Variants in CERS6 observed in about 807,000 individuals in gnomAD.
CERS6 encodes the protein LAG1 homolog, ceramide synthase 6.
CERS6 carries 26 observed loss-of-function variants against 56.8 expected under a neutral mutation model. That is an observed-to-expected ratio of 0.46 (90% CI 0.34 to 0.63). The LOEUF is 0.63. Ranked by LOEUF, CERS6 falls within the 30% of genes least tolerant of loss-of-function variation. CERS6 has a pLI of 0.01. For synonymous variants in CERS6, 164 were observed against 173.3 expected (o/e 0.95, Z 0.42); for missense variants, 415 against 467.5 (o/e 0.89, Z 1.04).
chr2:168,466,319 T>A (rs776147377), intron 1 of CERS6, among the ~76,000 whole-genome samples: 1 of 152,198 alleles, frequency 6.6e-6, no homozygotes, highest in Non-Finnish European at 1.5e-5. Flanking sequence ...CAAGTCACCC[T>A]GGTAAGTACA....
Position 168,764,169 on chromosome 2 carries a change from G to A in CERS6, c.846-1423G>A, listed in dbSNP as rs949399915. On this transcript the variant is annotated intron_variant, in intron 8 of 9. Coordinates refer to ENST00000305747, the MANE Select transcript of CERS6 (RefSeq NM_203463.3). ...TTTTATTTTTTATTTTTGAGATGGAGTCTTGCTCTGTTGCCCAGGCTGGAG... is the reference window on the plus strand; with the variant it reads ...TTTTATTTTTTATTTTTGAGATGGAATCTTGCTCTGTTGCCCAGGCTGGAG... 3.3e-5 allele frequency among the ~76,000 whole-genome samples: 5 copies of A among 151,858 alleles called. No individual in the cohort carries two copies. The South Asian group carries it at 6.2e-4, about 19-fold the overall frequency.
At chr2:168,587,752 TATATA>T (rs1683578586) in intron 3 of CERS6, among the ~76,000 whole-genome samples, 1 of 151,468 alleles carries the variant, frequency 6.6e-6, no homozygotes, top group African/African-American at 2.4e-5. Context: ...ATATGATTAA[TATATA>T]ATATAGTAAG....
intron 5 of CERS6, among the ~76,000 whole-genome samples, chr2:168,691,747 A>T (rs76832252): frequency 1.3e-5 from 2 of 152,318 alleles, no homozygotes; most frequent in East Asian, 3.9e-4. Context: ...TCCGTTTAAA[A>T]AGCTGGGACT....
At chr2:168,632,122 G>A (rs1241551038) in intron 4 of CERS6, among the ~76,000 whole-genome samples, 1 of 151,600 alleles carries the variant, frequency 6.6e-6, no homozygotes. Context: ...TGTCGGGTTA[G>A]ACTCCTTAAA....
At chr2:168,532,476 C>CT (rs1272261017) in intron 1 of CERS6, among the ~76,000 whole-genome samples, 2 of 151,792 alleles carry the variant, frequency 1.3e-5, no homozygotes, top group South Asian at 2.1e-4. Context: ...GAATGCCATC[C>CT]TTTTTTTTCT....
At chr2:168,487,132 G>A (rs938408409) in intron 1 of CERS6, among the ~76,000 whole-genome samples, 2 of 152,132 alleles carry the variant, frequency 1.3e-5, no homozygotes, top group Non-Finnish European at 2.9e-5. Flanking sequence ...ATCACAAAAT[G>A]TATGTTAAAA....
intron 8 of CERS6, among the ~76,000 whole-genome samples, chr2:168,727,332 C>T (rs1574196359): frequency 6.6e-6 from 1 of 152,022 alleles, no homozygotes; most frequent in African/African-American, 2.4e-5. Context: ...GGGCAGATCA[C>T]GAGGTCAAGA....
chr2:168,456,287 C>A lies in CERS6; in HGVS notation c.-162C>A. 1 of 246,806 alleles carries A rather than the reference C, an allele frequency of 4.1e-6. No homozygotes were observed. The highest frequency in any genetic ancestry group is 7.0e-6 in the Non-Finnish European group (1 of 142,484). 15.3% of individuals were successfully genotyped at this position (246,806 alleles called of 1,614,324 possible). A position where few individuals can be genotyped will look rare whatever the true frequency, so the allele number is the denominator to read the frequency against. On this transcript the variant is annotated 5_prime_UTR_variant, in exon 1 of 10. Coordinates refer to ENST00000305747, the MANE Select transcript of CERS6 (RefSeq NM_203463.3). The surrounding 1 kb of genome is among the most constrained non-coding windows in gnomAD (Gnocchi z 4.1). Reference sequence around the variant, plus strand: ...GGAGAGAACCGGGGCTCGCCGCGAGCCTTCGAGAGCAGCGGCCGCGGAGGA... The same window carrying A: ...GGAGAGAACCGGGGCTCGCCGCGAGACTTCGAGAGCAGCGGCCGCGGAGGA...
Position 168,599,879 on chromosome 2 carries a change from G to A in CERS6, c.408-31106G>A, listed in dbSNP as rs560780627. 5.3e-4 allele frequency among the ~76,000 whole-genome samples: 81 copies of A among 152,288 alleles called. No individual in the cohort carries two copies. In the South Asian group the frequency reaches 0.016, roughly 29 times the overall value. The stretch of plus-strand genomic sequence containing the variant: ...AGATGAGCTATTTGCCTTCAAGGAG[G>A]TTGATACACTAGTAGTAAGCATAAG... On this transcript the variant is annotated intron_variant, in intron 3 of 9. Coordinates refer to ENST00000305747, the MANE Select transcript of CERS6 (RefSeq NM_203463.3).
chr2:168,735,267 T>C (rs1343432916), intron 8 of CERS6, among the ~76,000 whole-genome samples: 1 of 151,706 alleles, frequency 6.6e-6, no homozygotes, highest in Non-Finnish European at 1.5e-5. Context: ...ATAATACTTT[T>C]AACAGACTAC....
chr2:168,660,148 A>G (rs1377069903), intron 4 of CERS6, among the ~76,000 whole-genome samples: 1 of 152,218 alleles, frequency 6.6e-6, no homozygotes, highest in Non-Finnish European at 1.5e-5. Flanking sequence ...CGTTCAACAG[A>G]TATCTATTGA....
intron 8 of CERS6, among the ~76,000 whole-genome samples, chr2:168,743,986 CTT>C (rs1559076871): frequency 1.7e-5 from 1 of 59,700 alleles, no homozygotes; most frequent in Non-Finnish European, 3.2e-5. Context: ...TTTCTTTTTT[CTT>C]TTTTTTCTTT....
At chr2:168,692,663 C>T (rs1204340153) in intron 5 of CERS6, among the ~76,000 whole-genome samples, 1 of 152,032 alleles carries the variant, frequency 6.6e-6, no homozygotes, top group African/African-American at 2.4e-5. Context: ...GCATATAGCC[C>T]CCAAAATGTA....
chr2:168,654,509 C>T (rs1232758987), intron 4 of CERS6, among the ~76,000 whole-genome samples: 2 of 152,148 alleles, frequency 1.3e-5, no homozygotes, highest in African/African-American at 2.4e-5. Flanking sequence ...CACCACTGCA[C>T]TCCAGCCTGG....
intron 1 of CERS6, among the ~76,000 whole-genome samples, chr2:168,518,019 CT>C (rs1440889557): frequency 6.6e-6 from 1 of 152,144 alleles, no homozygotes; most frequent in Admixed American, 6.5e-5. Context: ...CAGTGAGTGA[CT>C]GTTGTTGATT....
chr2:168,700,259 G>A (rs189091168), intron 6 of CERS6, among the ~76,000 whole-genome samples: 113 of 152,294 alleles, frequency 7.4e-4, no homozygotes, highest in Non-Finnish European at 1.3e-3. Context: ...TGCCTTTGGG[G>A]GCCGTGTCAT....
intron 4 of CERS6, among the ~76,000 whole-genome samples, chr2:168,652,469 T>A (rs1685367290): frequency 6.6e-6 from 1 of 152,018 alleles, no homozygotes; most frequent in Admixed American, 6.6e-5. Flanking sequence ...GTTTTCAATC[T>A]GAAAACTCAA....
At chr2:168,543,259 G>A (rs1387148773) in intron 1 of CERS6, among the ~76,000 whole-genome samples, 4 of 152,032 alleles carry the variant, frequency 2.6e-5, no homozygotes, top group African/African-American at 4.8e-5. Flanking sequence ...TGGTGTTGCC[G>A]CCTTTGATTA....
At chr2:168,704,558 GAA>G (rs1158458236) in intron 6 of CERS6, among the ~76,000 whole-genome samples, 1 of 152,046 alleles carries the variant, frequency 6.6e-6, no homozygotes, top group Non-Finnish European at 1.5e-5. Context: ...TTGGCCTCCT[GAA>G]AAGAGGCACC....
Sources: allele counts gnomAD v4.1 joint callset (sites outside exome capture counted in the v4.1 genomes callset), GRCh38; gene constraint gnomAD v4.1.1; non-coding constraint Gnocchi (gnomAD v3.1); transcripts MANE v1.5; gene names NCBI Gene and HGNC (gene_info 2026-07-23, HGNC 2026-07-21).